The following MTHFD2L variants were observed in gnomAD, a reference collection of about 807,000 sequenced individuals.
MTHFD2L encodes methylenetetrahydrofolate dehydrogenase (NADP+ dependent) 2 like.
In MTHFD2L, 29 loss-of-function variants were observed where a neutral mutation model predicts 34.9. The observed-to-expected ratio is 0.83, with a 90% CI of 0.62 to 1.13. The LOEUF (loss-of-function observed/expected upper bound fraction) is 1.13, where lower values mean the gene tolerates loss of function less well. MTHFD2L is among the 50% of genes most tolerant of loss of function. The probability of loss-of-function intolerance (pLI) is 0.00; values close to 1 mark genes in which losing one functional copy is unlikely to be tolerated. For synonymous variants in MTHFD2L, 167 were observed against 155.7 expected (o/e 1.07, Z -0.54); for missense variants, 481 against 446.5 (o/e 1.08, Z -0.70).
At chr4:74,143,045 G>GT (rs1723372213) in intron 1 of MTHFD2L, among the ~76,000 whole-genome samples, 1 of 152,180 alleles carries the variant, frequency 6.6e-6, no homozygotes, top group Admixed American at 6.5e-5. Flanking sequence ...GGTTTCAGGG[G>GT]TTAAGGTGGT....
chr4:74,239,470 T>G (rs1368115303), intron 6 of MTHFD2L, among the ~76,000 whole-genome samples: 1 of 148,594 alleles, frequency 6.7e-6, no homozygotes, highest in Non-Finnish European at 1.5e-5. Flanking sequence ...ACATGTACCC[T>G]AGAAGTTAAA....
At chr4:74,223,630 A>T (rs1428404715) in intron 5 of MTHFD2L, among the ~76,000 whole-genome samples, 1 of 37,302 alleles carries the variant, frequency 2.7e-5, no homozygotes, top group African/African-American at 6.3e-5. Context: ...AAAACTTAAA[A>T]ACAAATAAAA....
Position 74,187,563 on chromosome 4 carries a change from T to A in MTHFD2L, c.451+12160T>A, listed in dbSNP as rs576895386. ...ATTCAAATGAAAAGTATTAACAAGATACTACTGCAAACCCATTAGAATGGC... is the reference window on the plus strand; with the variant it reads ...ATTCAAATGAAAAGTATTAACAAGAAACTACTGCAAACCCATTAGAATGGC... On this transcript the variant is annotated intron_variant, in intron 3 of 7. Coordinates refer to ENST00000325278, the MANE Select transcript of MTHFD2L (RefSeq NM_001144978.3). 7.2e-5 allele frequency among the ~76,000 whole-genome samples: 11 copies of A among 152,254 alleles called. No individual in the cohort carries two copies. The South Asian group carries it at 2.3e-3, about 32-fold the overall frequency.
chr4:74,299,734 G>A (rs1254667893), intron 7 of MTHFD2L, among the ~76,000 whole-genome samples: 2 of 151,998 alleles, frequency 1.3e-5, no homozygotes, highest in East Asian at 1.9e-4. Flanking sequence ...CCTAACCTGT[G>A]TATGGAGATA....
intron 1 of MTHFD2L, among the ~76,000 whole-genome samples, chr4:74,145,060 A>C (rs1162475272): frequency 1.3e-5 from 2 of 152,158 alleles, no homozygotes; most frequent in Non-Finnish European, 2.9e-5. Context: ...ATTAATAAGA[A>C]TATATCGATA....
intron 5 of MTHFD2L, among the ~76,000 whole-genome samples, chr4:74,210,221 T>C (rs1049856935): frequency 7.2e-5 from 11 of 152,224 alleles, no homozygotes; most frequent in Non-Finnish European, 1.0e-4. Context: ...ATTTTGGCTT[T>C]TGTTGCCATT....
intron 6 of MTHFD2L, among the ~76,000 whole-genome samples, chr4:74,273,715 G>A (rs1746274037): frequency 6.6e-6 from 1 of 152,112 alleles, no homozygotes; most frequent in Admixed American, 6.6e-5. Context: ...GTCTGTCAGA[G>A]GGGGAATGGT....
intron 7 of MTHFD2L, among the ~76,000 whole-genome samples, chr4:74,282,839 G>C (rs771126141): frequency 6.6e-6 from 1 of 152,056 alleles, no homozygotes; most frequent in Non-Finnish European, 1.5e-5. Context: ...CTATCTGTAC[G>C]TATATACATA....
chr4:74,298,218 ATAT>A (rs1253627117), intron 7 of MTHFD2L, among the ~76,000 whole-genome samples: 1 of 152,036 alleles, frequency 6.6e-6, no homozygotes, highest in African/African-American at 2.4e-5. Context: ...GTTTACAATG[ATAT>A]TATAATCTTC....
intron 5 of MTHFD2L, among the ~76,000 whole-genome samples, chr4:74,217,726 G>A (rs1466560853): frequency 6.6e-6 from 1 of 151,304 alleles, no homozygotes; most frequent in African/African-American, 2.5e-5. Context: ...TGTTTCTGTT[G>A]AAGACAGATC....
chr4:74,292,797 A>T (rs985463068), intron 7 of MTHFD2L, among the ~76,000 whole-genome samples: 2 of 152,122 alleles, frequency 1.3e-5, no homozygotes, highest in African/African-American at 4.8e-5. Context: ...CTGATAGGTC[A>T]TAGCTGGAGT....
chr4:74,168,078 C>T (rs1727134192), intron 1 of MTHFD2L, among the ~76,000 whole-genome samples: 2 of 152,154 alleles, frequency 1.3e-5, no homozygotes, highest in Non-Finnish European at 1.5e-5. Flanking sequence ...CTCCACTTCT[C>T]CCCTTGATCT....
intron 1 of MTHFD2L, among the ~76,000 whole-genome samples, chr4:74,173,604 G>A (rs1308954006): frequency 6.6e-6 from 1 of 152,122 alleles, no homozygotes; most frequent in Non-Finnish European, 1.5e-5. Flanking sequence ...TCTTGTGCTG[G>A]ATATGCTAAC....
upstream of MTHFD2L, among the ~76,000 whole-genome samples, chr4:74,121,639 T>C (rs1399141998): frequency 6.8e-6 from 1 of 145,986 alleles, no homozygotes; most frequent in Non-Finnish European, 1.5e-5. Flanking sequence ...TATTTAATTA[T>C]ACATATATAA....
intron 5 of MTHFD2L, among the ~76,000 whole-genome samples, chr4:74,220,755 A>C (rs1238444854): frequency 6.6e-6 from 1 of 151,630 alleles, no homozygotes; most frequent in East Asian, 1.9e-4. Context: ...AGCTATTTAC[A>C]TCTGTATATT....
intron 6 of MTHFD2L, among the ~76,000 whole-genome samples, chr4:74,245,021 C>T (rs545955983): frequency 1.3e-5 from 2 of 151,862 alleles, no homozygotes; most frequent in South Asian, 4.2e-4. Flanking sequence ...AGTGAAACCC[C>T]GTCTCTACTA....
At chr4:74,227,954 T>C (rs1283994069) in intron 6 of MTHFD2L, among the ~76,000 whole-genome samples, 2 of 152,182 alleles carry the variant, frequency 1.3e-5, no homozygotes, top group African/African-American at 2.4e-5. Flanking sequence ...TAATAAAATA[T>C]CTGATTCTTC....
At chr4:74,196,155 A>G (rs1733430536) in intron 3 of MTHFD2L, among the ~76,000 whole-genome samples, 1 of 152,206 alleles carries the variant, frequency 6.6e-6, no homozygotes. Flanking sequence ...TAACTGAACT[A>G]GTGTGCTAAG....
chr4:74,117,905 A>G (rs1271361208), intron 2 of MTHFD2L, among the ~76,000 whole-genome samples: 3 of 152,228 alleles, frequency 2.0e-5, no homozygotes, highest in Non-Finnish European at 2.9e-5. Context: ...TGAACTCTGT[A>G]CTTATCGATG....
Sources: gnomAD v4.1 joint callset for allele counts (sites outside exome capture counted in the v4.1 genomes callset) on GRCh38, gnomAD v4.1.1 for gene constraint, MANE v1.5 for transcripts, NCBI Gene and HGNC (gene_info 2026-07-23, HGNC 2026-07-21) for gene names.